The following RIPOR3 variants were observed in gnomAD, a reference collection of about 807,000 sequenced individuals.
RIPOR3 encodes RIPOR family member 3, also known as family with sequence similarity 65 member C.
Under a neutral mutation model 114.3 loss-of-function variants are expected in RIPOR3, and 95 were observed. That is an observed-to-expected ratio of 0.83 (90% CI 0.70 to 0.99). The LOEUF (loss-of-function observed/expected upper bound fraction) is 0.99. Among genes scored for constraint, RIPOR3 ranks in the 50% least tolerant of loss-of-function variants. RIPOR3 has a pLI of 0.00. For missense variants in RIPOR3, 1,252 were observed against 1,266.9 expected, an observed-to-expected ratio of 0.99 and a Z score of 0.18; for synonymous variants, 575 against 543.8, an observed-to-expected ratio of 1.06 and a Z score of -0.80.
At chr20:50,663,703 G>A (rs1040958821) in intron 1 of RIPOR3, among the ~76,000 whole-genome samples, 8 of 152,070 alleles carry the variant, frequency 5.3e-5, no homozygotes, top group African/African-American at 1.9e-4. Flanking sequence ...GACTGAGCTG[G>A]CAGAATAATG....
At position 50,597,052 on chromosome 20, in the gene RIPOR3, G is replaced by A. The variant is rs147247981; in HGVS notation, c.1790+528C>T. On this transcript the variant is annotated intron_variant, in intron 14 of 21. Coordinates refer to ENST00000327979, the MANE Select transcript of RIPOR3 (RefSeq NM_001290268.2). ...GCCATCTTGGCTCACTGCAACCTCC[G>A]CCTCCCGGGTCCGAGTGATTCTCCT... 720 of 152,932 alleles carry A rather than the reference G, an allele frequency of 4.7e-3. 5 individuals are homozygous for A. Among genetic ancestry groups the A allele is most frequent in the African/African-American group, 0.016 (681 of 41,444 alleles). The allele number at this position is 152,932 out of a possible 1,614,324, so 9.5% of individuals were successfully genotyped here.
intron 11 of RIPOR3, among the ~76,000 whole-genome samples, chr20:50,607,448 TA>T (rs2083764719): frequency 6.6e-6 from 1 of 152,118 alleles, no homozygotes; most frequent in Non-Finnish European, 1.5e-5. Context: ...TGCTTATAAT[TA>T]TTTGCACAAA....
intron 1 of RIPOR3, among the ~76,000 whole-genome samples, chr20:50,681,289 T>C (rs1449017055): frequency 3.9e-5 from 3 of 77,242 alleles, no homozygotes; most frequent in Non-Finnish European, 8.7e-5. Context: ...AAAAAAAACA[T>C]ATAATGAGGC....
At chr20:50,591,474 CTCTG>C (rs1166603531) in intron 19 of RIPOR3, among the ~76,000 whole-genome samples, 1 of 152,102 alleles carries the variant, frequency 6.6e-6, no homozygotes, top group Non-Finnish European at 1.5e-5. Context: ...CATTATATTG[CTCTG>C]TCTACTTTTG....
chr20:50,587,926 G>C, intron 20 of RIPOR3, 34 bp from the exon 21 acceptor site: 1 of 1,606,404 alleles, frequency 6.2e-7, no homozygotes, highest in South Asian at 1.1e-5. Context: ...AACCCTTTAG[G>C]GGGCCTTCTC....
chr20:50,686,503 C>T (rs1320758944), intron 1 of RIPOR3, among the ~76,000 whole-genome samples: 2 of 152,032 alleles, frequency 1.3e-5, no homozygotes, highest in African/African-American at 2.4e-5. Context: ...AATTCCAGCA[C>T]TTTTGGAGGC....
intron 4 of RIPOR3, 151 bp from the exon 5 acceptor site, chr20:50,611,355 C>CGTTGGCAGAGG: frequency 2.1e-6 from 2 of 932,236 alleles, no homozygotes; most frequent in Non-Finnish European, 3.3e-6. Context: ...CTTCCTCTGC[C>CGTTGGCAGAGG]AACGGCAGAC....
chr20:50,642,926 T>A (rs2085257853), intron 1 of RIPOR3, among the ~76,000 whole-genome samples: 1 of 151,938 alleles, frequency 6.6e-6, no homozygotes, highest in South Asian at 2.1e-4. Flanking sequence ...CACATGCCTG[T>A]AATCCCAGCT....
intron 18 of RIPOR3, 148 bp downstream of exon 18, chr20:50,592,887 T>C: frequency 2.7e-6 from 3 of 1,095,870 alleles, no homozygotes; most frequent in Non-Finnish European, 1.3e-6. Flanking sequence ...CCCCATCGGC[T>C]GAACGCAGAA....
chr20:50,609,769 G>A, intron 6 of RIPOR3, 47 bp from the exon 7 acceptor site: 1 of 1,353,616 alleles, frequency 7.4e-7, no homozygotes, highest in Non-Finnish European at 9.5e-7. Flanking sequence ...CGGAGGGGCG[G>A]CCCCACACCT....
Position 50,595,433 on chromosome 20 carries a change from G to C in RIPOR3, c.1986C>G (p.His662Gln), listed in dbSNP as rs144616362. 17 of 1,614,142 alleles carry C rather than the reference G, an allele frequency of 1.1e-5. No homozygotes were observed. Among genetic ancestry groups the C allele is most frequent in the Non-Finnish European group, 1.2e-5 (14 of 1,180,022 alleles). ...CAAGGACAGAAAGTGTCTCCAGAACGTGCTTTTGCTGTGCCACTTCTTCCA... is the reference window on the plus strand; with the variant it reads ...CAAGGACAGAAAGTGTCTCCAGAACCTGCTTTTGCTGTGCCACTTCTTCCA... ...CLLEEVAQQK[H>Q]VLETLSVLDF... Residue 662 changes from histidine to glutamine, a missense_variant, in exon 16 of 22, where the codon CAC (histidine) becomes CAG (glutamine). Coordinates refer to ENST00000327979, the MANE Select transcript of RIPOR3 (RefSeq NM_001290268.2).
At chr20:50,676,861 C>T (rs1428605531) in intron 1 of RIPOR3, among the ~76,000 whole-genome samples, 1 of 134,412 alleles carries the variant, frequency 7.4e-6, no homozygotes, top group African/African-American at 2.7e-5. Context: ...GCCTCATTCT[C>T]CCAAAGTGCT....
intron 1 of RIPOR3, among the ~76,000 whole-genome samples, chr20:50,684,397 C>T (rs1236631593): frequency 2.0e-5 from 3 of 152,098 alleles, no homozygotes; most frequent in South Asian, 2.1e-4. Flanking sequence ...GGACTGTGCC[C>T]GACCTCAAGA....
chr20:50,635,950 G>A (rs969466304), intron 1 of RIPOR3, among the ~76,000 whole-genome samples: 6 of 152,226 alleles, frequency 3.9e-5, no homozygotes, highest in African/African-American at 1.4e-4. Flanking sequence ...TAGAAAGATA[G>A]CCCTGGGTGG....
rs138065047 is a variant in RIPOR3, at chr20:50,671,929, G to A, written c.3+19197C>T. 5.4e-3 allele frequency among the ~76,000 whole-genome samples: 811 copies of A among 150,760 alleles called. 8 individuals are homozygous for A. The highest frequency in any genetic ancestry group is 0.019 in the African/African-American group (783 of 41,000). On this transcript the variant is annotated intron_variant, in intron 1 of 21. Transcript: ENST00000327979. ...GGAAGAAAAGATGGATGGATGGATG[G>A]ATGGATGGATAGGTGGATGAGTAGA...
At chr20:50,677,581 A>T (rs992216297) in intron 1 of RIPOR3, among the ~76,000 whole-genome samples, 1 of 151,692 alleles carries the variant, frequency 6.6e-6, no homozygotes, top group Non-Finnish European at 1.5e-5. Context: ...CATGTTGGTT[A>T]GGCTGGTCTC....
At chr20:50,625,384 G>A (rs2084583021) in intron 2 of RIPOR3, among the ~76,000 whole-genome samples, 1 of 152,142 alleles carries the variant, frequency 6.6e-6, no homozygotes, top group Admixed American at 6.5e-5. Context: ...CCTGCTCTTG[G>A]TGCTTTACAT....
At chr20:50,632,808 G>A (rs1193465238) in intron 1 of RIPOR3, among the ~76,000 whole-genome samples, 1 of 152,250 alleles carries the variant, frequency 6.6e-6, no homozygotes, top group Admixed American at 6.5e-5. Flanking sequence ...AGCCCCAGCA[G>A]GGCACCTGAG....
chr20:50,655,212 C>A (rs2123425346), intron 1 of RIPOR3, among the ~76,000 whole-genome samples: 1 of 152,326 alleles, frequency 6.6e-6, no homozygotes, highest in South Asian at 2.1e-4. Flanking sequence ...GAGAATGGAG[C>A]CTTTTGCCAA....
Sources: gnomAD v4.1 joint callset for allele counts (sites outside exome capture counted in the v4.1 genomes callset) on GRCh38, gnomAD v4.1.1 for gene constraint, MANE v1.5 for transcripts, NCBI Gene and HGNC (gene_info 2026-07-23, HGNC 2026-07-21) for gene names.